PHLPP1: variants seen among roughly 807,000 people sequenced by gnomAD.
PHLPP1 encodes the protein PH domain and leucine rich repeat protein phosphatase 1, also known as PH domain leucine-rich repeat-containing protein phosphatase 1.
In PHLPP1, 42 loss-of-function variants were observed where a neutral mutation model predicts 117.2. The observed-to-expected ratio is 0.36, with a 90% CI of 0.28 to 0.46. The LOEUF (loss-of-function observed/expected upper bound fraction) is 0.46. Among genes scored for constraint, PHLPP1 ranks in the 20% least tolerant of loss-of-function variants. The pLI, the probability that PHLPP1 is intolerant of heterozygous loss-of-function variation, is 1.00. For missense variants in PHLPP1, 2,084 were observed against 2,241.9 expected (o/e 0.93, Z 1.42); for synonymous variants, 1,042 against 970.7 (o/e 1.07, Z -1.37).
intron 1 of PHLPP1, among the ~76,000 whole-genome samples, chr18:62,790,240 C>G (rs1291697529): frequency 6.6e-6 from 1 of 152,132 alleles, no homozygotes; most frequent in Non-Finnish European, 1.5e-5. Context: ...GAAAAAAGAC[C>G]TCTAAGCAGC....
Position 62,717,214 on chromosome 18 carries a change from G to A in PHLPP1, c.1531G>A (p.Glu511Lys). 1 of 1,608,214 alleles carries A rather than the reference G, an allele frequency of 6.2e-7. No homozygotes were observed. Among genetic ancestry groups the A allele is most frequent in the South Asian group, 1.1e-5 (1 of 90,530 alleles). The change falls in exon 1 of 17, where the codon GAA becomes AAA. Residue 511 changes from glutamate to lysine, a missense_variant. Coordinates refer to ENST00000262719, the MANE Select transcript of PHLPP1 (RefSeq NM_194449.4). ...GFGELWRVQE[E>K]GMDSEIGCLI... ...TGGGGAGCTGTGGAGGGTGCAGGAG[G>A]AAGGCATGGACTCGGAGATTGGCTG... is the stretch of plus-strand genomic sequence containing the variant.
rs747164603 is a variant in PHLPP1 at position 62,838,882 on chromosome 18, C to T, written c.1872C>T (p.Tyr624=). ...TTTGCTTTGATACTTTCACAGAATA[C>T]TTAAGGTGGCTGCGACAAGTCTCCA... ...YYICFDTFTE[Y]LRWLRQVSKV... Residue 624 remains tyrosine, a synonymous_variant, in exon 3 of 17, where the codon TAC becomes TAT. Transcript: ENST00000262719. 1 of 1,613,876 alleles carries T rather than the reference C, an allele frequency of 6.2e-7. No individual in the cohort carries two copies. The highest frequency in any genetic ancestry group is 1.7e-5 in the Admixed American group (1 of 60,024).
At chr18:62,815,169 T>A (rs1403863915) in intron 1 of PHLPP1, among the ~76,000 whole-genome samples, 1 of 151,242 alleles carries the variant, frequency 6.6e-6, no homozygotes, top group Non-Finnish European at 1.5e-5. Flanking sequence ...TCCTCTTTTT[T>A]TTTTTTTTGA....
intron 1 of PHLPP1, among the ~76,000 whole-genome samples, chr18:62,781,497 C>T (rs558818645): frequency 6.6e-6 from 1 of 152,184 alleles, no homozygotes; most frequent in African/African-American, 2.4e-5. Flanking sequence ...CCACATCAGG[C>T]CTTTCCTGCC....
intron 1 of PHLPP1, among the ~76,000 whole-genome samples, chr18:62,765,990 G>T (rs751618815): frequency 2.8e-5 from 4 of 143,620 alleles, no homozygotes; most frequent in Non-Finnish European, 6.1e-5. Context: ...AGAGCGAGAA[G>T]GGGGAGCTTG....
At chr18:62,849,067 A>G (rs941901513) in intron 3 of PHLPP1, among the ~76,000 whole-genome samples, 1 of 152,212 alleles carries the variant, frequency 6.6e-6, no homozygotes, top group Non-Finnish European at 1.5e-5. Context: ...CAGGCAGTCT[A>G]TTTATTGGAG....
chr18:62,778,181 A>C (rs1913017015), intron 1 of PHLPP1, among the ~76,000 whole-genome samples: 1 of 152,124 alleles, frequency 6.6e-6, no homozygotes, highest in Non-Finnish European at 1.5e-5. Flanking sequence ...TTTTTAATGT[A>C]TTACCTTTGA....
intron 3 of PHLPP1, among the ~76,000 whole-genome samples, chr18:62,840,049 A>G (rs183880349): frequency 1.8e-3 from 276 of 152,172 alleles, no homozygotes; most frequent in African/African-American, 6.5e-3. Context: ...TGGTAATTTA[A>G]CTTGTTATCC....
intron 4 of PHLPP1, among the ~76,000 whole-genome samples, chr18:62,874,657 GCAC>G (rs1915997128): frequency 2.7e-5 from 4 of 147,624 alleles, no homozygotes; most frequent in Non-Finnish European, 6.0e-5. Context: ...ACGCACGCGC[GCAC>G]ACACACACAC....
chr18:62,862,599 C>T (rs1421748847), intron 4 of PHLPP1, among the ~76,000 whole-genome samples: 3 of 152,256 alleles, frequency 2.0e-5, no homozygotes, highest in East Asian at 1.9e-4. Flanking sequence ...AATAGTTTGT[C>T]AGTTGCTCTT....
chr18:62,765,424 A>T (rs1286364061), intron 1 of PHLPP1, among the ~76,000 whole-genome samples: 1 of 152,232 alleles, frequency 6.6e-6, no homozygotes, highest in Non-Finnish European at 1.5e-5. Flanking sequence ...ATATGAAAAG[A>T]AAATATTCAA....
At chr18:62,972,306 T>G (rs1029856340) in intron 14 of PHLPP1, among the ~76,000 whole-genome samples, 1 of 152,236 alleles carries the variant, frequency 6.6e-6, no homozygotes, top group Non-Finnish European at 1.5e-5. Context: ...TAGGAAGGCA[T>G]GTGTGAAGCA....
chr18:62,766,798 T>G (rs1199038091), intron 1 of PHLPP1, among the ~76,000 whole-genome samples: 5 of 152,216 alleles, frequency 3.3e-5, no homozygotes, highest in Non-Finnish European at 5.9e-5. Context: ...TGTTAAATAT[T>G]GAATCTCTTT....
chr18:62,759,452 C>T (rs185611524), intron 1 of PHLPP1, among the ~76,000 whole-genome samples: 277 of 152,282 alleles, frequency 1.8e-3, no homozygotes, highest in African/African-American at 6.5e-3. Flanking sequence ...ATGCAACAGA[C>T]AGAGGATGCA....
chr18:62,882,549 G>A (rs994681322), intron 4 of PHLPP1, among the ~76,000 whole-genome samples: 9 of 152,044 alleles, frequency 5.9e-5, no homozygotes, highest in South Asian at 4.1e-4. Flanking sequence ...ATGAGCCACC[G>A]CGCCCGGCCA....
chr18:62,905,157 A>G (rs1343273606), intron 7 of PHLPP1, 67 bp from the exon 8 acceptor site: 16 of 926,584 alleles, frequency 1.7e-5, no homozygotes, highest in Non-Finnish European at 2.3e-5. Context: ...GACGTTCCAC[A>G]TACAAAAAGA....
At chr18:62,966,765 G>A (rs749180153) in intron 14 of PHLPP1, among the ~76,000 whole-genome samples, 2 of 152,110 alleles carry the variant, frequency 1.3e-5, no homozygotes, top group African/African-American at 2.4e-5. Flanking sequence ...TGCCGTGCCC[G>A]GCAGTTCTGC....
intron 14 of PHLPP1, among the ~76,000 whole-genome samples, chr18:62,966,797 A>G (rs1910917697): frequency 6.6e-6 from 1 of 152,126 alleles, no homozygotes; most frequent in Non-Finnish European, 1.5e-5. Flanking sequence ...AAAGAATATC[A>G]TCATGTGTAA....
intron 2 of PHLPP1, 61 bp from the exon 3 acceptor site, chr18:62,838,723 G>GAAATA (rs1267074907): frequency 6.4e-7 from 1 of 1,568,208 alleles, no homozygotes; most frequent in Admixed American, 1.7e-5. Flanking sequence ...CATAGTTAGT[G>GAAATA]AAATACATCA....
Sources: allele counts gnomAD v4.1 joint callset (sites outside exome capture counted in the v4.1 genomes callset), GRCh38; gene constraint gnomAD v4.1.1; transcripts MANE v1.5; gene names NCBI Gene and HGNC (gene_info 2026-07-23, HGNC 2026-07-21).